PDPR: variants seen among roughly 807,000 people sequenced by gnomAD.
The protein encoded by PDPR is pyruvate dehydrogenase phosphatase regulatory subunit.
Under a neutral mutation model 102.2 loss-of-function variants are expected in PDPR, and 50 were observed. The observed-to-expected ratio is 0.49, with a 90% CI of 0.39 to 0.62. PDPR has a LOEUF of 0.62. PDPR is among the 20% of genes least tolerant of loss of function. The pLI is 0.00. For synonymous variants in PDPR, 259 were observed against 406.0 expected (o/e 0.64, Z 4.35); for missense variants, 625 against 1,098.2 (o/e 0.57, Z 6.09).
intron 2 of PDPR, 82 bp from the exon 3 acceptor site, chr16:70,120,379 A>G (rs904771185): frequency 4.2e-5 from 31 of 745,832 alleles, no homozygotes; most frequent in Admixed American, 1.2e-4. Context: ...ATGAATGGCT[A>G]TCGTTCTTTG....
chr16:70,152,885 C>T (rs542186196), intron 17 of PDPR, among the ~76,000 whole-genome samples: 19 of 152,398 alleles, frequency 1.2e-4, no homozygotes, highest in Admixed American at 2.6e-4. Context: ...GCCCTGCCTT[C>T]CTGGCTCCCC....
At position 70,116,813 on chromosome 16, in the gene PDPR, A is replaced by G. The variant is rs561516297; in HGVS notation, c.-33+1883A>G. Among the ~76,000 whole-genome samples, 12 of 152,164 alleles carry G rather than the reference A, an allele frequency of 7.9e-5. No homozygotes were observed. In the South Asian group the frequency reaches 8.3e-4, roughly 11 times the overall value. ...CGCCTCGGCCTCCCAAAGTGCTGAGATAACAGGCGTGAGACATGGCGCCCG... is the reference window on the plus strand; with the variant it reads ...CGCCTCGGCCTCCCAAAGTGCTGAGGTAACAGGCGTGAGACATGGCGCCCG... On this transcript the variant is annotated intron_variant, in intron 2 of 18. Transcript: ENST00000288050.
chr16:70,119,911 TGTTTG>T (rs766192857), intron 2 of PDPR, among the ~76,000 whole-genome samples: 1 of 121,146 alleles, frequency 8.3e-6, no homozygotes, highest in African/African-American at 2.9e-5. Flanking sequence ...GTTTTTTTTT[TGTTTG>T]TTTGTTTGTT....
At chr16:70,125,192 C>T (rs1217764660) in intron 3 of PDPR, among the ~76,000 whole-genome samples, 3 of 152,240 alleles carry the variant, frequency 2.0e-5, no homozygotes, top group Admixed American at 2.0e-4. Context: ...GCCTGGCCAA[C>T]ATGGCAAAAC....
rs1967847516 is a variant in PDPR, at chr16:70,162,122, C to G, written c.*5243C>G. 6.6e-6 allele frequency: 1 copy of G among 152,522 alleles called. No individual in the cohort carries two copies. The highest frequency in any genetic ancestry group is 1.5e-5 in the Non-Finnish European group (1 of 68,208). The allele number at this position is 152,522 out of a possible 1,614,324, so 9.4% of individuals were successfully genotyped here. A position where few individuals can be genotyped will look rare whatever the true frequency, so the allele number is the denominator to read the frequency against. On this transcript the variant is annotated 3_prime_UTR_variant, in exon 19 of 19. Coordinates refer to ENST00000288050, the MANE Select transcript of PDPR (RefSeq NM_017990.5). ...GGTTCCCATCCGCCCCACATAGCCTCTCCTTCTTCGGAACAATGGGCGTGG... is the reference window on the plus strand; with the variant it reads ...GGTTCCCATCCGCCCCACATAGCCTGTCCTTCTTCGGAACAATGGGCGTGG...
intron 3 of PDPR, among the ~76,000 whole-genome samples, chr16:70,122,866 C>CACACACACACACACAG (rs1963482523): frequency 6.6e-6 from 1 of 152,008 alleles, no homozygotes; most frequent in Non-Finnish European, 1.5e-5. Flanking sequence ...CACACACACA[C>CACACACACACACACAG]ACCAGTTTAG....
At chr16:70,126,153 A>G (rs1963940092) in intron 3 of PDPR, among the ~76,000 whole-genome samples, 1 of 152,264 alleles carries the variant, frequency 6.6e-6, no homozygotes, top group South Asian at 2.1e-4. Context: ...TTTGGTACAT[A>G]AAGACCTTTT....
chr16:70,138,765 G>A, intron 10 of PDPR, 134 bp from the exon 11 acceptor site: 1 of 1,525,092 alleles, frequency 6.6e-7, no homozygotes, highest in Non-Finnish European at 8.9e-7. Flanking sequence ...GAAAAGTTAA[G>A]GAAAGTGCCC....
At chr16:70,115,015 C>T (rs921079468) in intron 2 of PDPR, 85 bp downstream of exon 2, 3 of 152,172 alleles carry the variant, frequency 2.0e-5, no homozygotes, top group Non-Finnish European at 2.9e-5. Flanking sequence ...GCCCATTTTC[C>T]GCATGCATGT....
At chr16:70,141,320 G>C (rs1228420811) in intron 11 of PDPR, among the ~76,000 whole-genome samples, 1 of 152,244 alleles carries the variant, frequency 6.6e-6, no homozygotes, top group Admixed American at 6.5e-5. Flanking sequence ...TCAGTGCTGG[G>C]TTTACAGACG....
intron 17 of PDPR, 65 bp downstream of exon 17, chr16:70,148,618 A>G (rs1175200647): frequency 4.4e-6 from 6 of 1,358,038 alleles, no homozygotes; most frequent in African/African-American, 1.5e-5. Context: ...TTCCCTTCCC[A>G]CAACCACTGT....
intron 4 of PDPR, among the ~76,000 whole-genome samples, chr16:70,128,540 T>A (rs534434262): frequency 2.0e-5 from 3 of 152,378 alleles, no homozygotes; most frequent in Admixed American, 1.3e-4. Flanking sequence ...GAATCTCATT[T>A]GATCCTCACA....
chr16:70,127,681 T>C (rs535005742), intron 4 of PDPR, among the ~76,000 whole-genome samples: 1 of 152,400 alleles, frequency 6.6e-6, no homozygotes, highest in Non-Finnish European at 1.5e-5. Context: ...GAAAATAAGA[T>C]ACCAAATTGC....
At chr16:70,152,869 A>G (rs765524500) in intron 17 of PDPR, among the ~76,000 whole-genome samples, 296 of 152,254 alleles carry the variant, frequency 1.9e-3, no homozygotes, top group Middle Eastern at 3.4e-3. Flanking sequence ...GGACATGAGC[A>G]GGCGAGCCCT....
intron 11 of PDPR, among the ~76,000 whole-genome samples, chr16:70,139,788 G>A (rs536407558): frequency 4.7e-4 from 71 of 152,316 alleles, no homozygotes; most frequent in African/African-American, 1.7e-3. Context: ...TTTGCCAAAT[G>A]GTATCTAAAT....
intron 2 of PDPR, among the ~76,000 whole-genome samples, chr16:70,115,983 C>T (rs1208510490): frequency 6.6e-6 from 1 of 151,760 alleles, no homozygotes; most frequent in Non-Finnish European, 1.5e-5. Context: ...TCTTTTCCTT[C>T]GTTGTCTTAA....
intron 14 of PDPR, among the ~76,000 whole-genome samples, chr16:70,143,897 T>C (rs1235458324): frequency 7.1e-6 from 1 of 141,456 alleles, no homozygotes; most frequent in African/African-American, 2.8e-5. Flanking sequence ...TCTTTTTTCT[T>C]TTTTTTTTTT....
chr16:70,131,217 C>T, intron 7 of PDPR, 85 bp from the exon 8 acceptor site: 1 of 872,346 alleles, frequency 1.1e-6, no homozygotes, highest in Admixed American at 2.0e-5. Flanking sequence ...ACATAAGCCA[C>T]TTGGAATTAA....
chr16:70,132,799 G>A lies in PDPR; in HGVS notation c.997+499G>A, dbSNP rs1964676085. 2.0e-5 allele frequency among the ~76,000 whole-genome samples: 3 copies of A among 152,340 alleles called. No individual in the cohort carries two copies. In the South Asian group the frequency reaches 6.2e-4, roughly 32 times the overall value. On this transcript the variant is annotated intron_variant, in intron 9 of 18. Coordinates refer to ENST00000288050, the MANE Select transcript of PDPR (RefSeq NM_017990.5). The stretch of plus-strand genomic sequence containing the variant: ...CCACTGTACCTAGCCCTTTGTGTGT[G>A]TTTAGTCATCTCTATCATTTTGTGT...
Sources: allele counts gnomAD v4.1 joint callset (sites outside exome capture counted in the v4.1 genomes callset), GRCh38; gene constraint gnomAD v4.1.1; transcripts MANE v1.5; gene names NCBI Gene and HGNC (gene_info 2026-07-23, HGNC 2026-07-21).